The following BAZ1A variants were observed in gnomAD, a reference collection of about 807,000 sequenced individuals.
BAZ1A encodes the protein bromodomain adjacent to zinc finger domain 1A.
A neutral mutation model predicts 185.2 loss-of-function variants in BAZ1A; 50 were observed. The observed-to-expected ratio is 0.27, with a 90% CI of 0.22 to 0.34. BAZ1A has a LOEUF of 0.34. BAZ1A is among the 10% of genes least tolerant of loss of function. The probability of loss-of-function intolerance (pLI) is 1.00; values close to 1 mark genes in which losing one functional copy is unlikely to be tolerated. For missense variants in BAZ1A, 1,356 were observed against 1,839.9 expected, an observed-to-expected ratio of 0.74 and a Z score of 4.81; for synonymous variants, 571 against 615.6, an observed-to-expected ratio of 0.93 and a Z score of 1.07.
At chr14:34,858,535 G>A (rs572454529) in intron 3 of BAZ1A, among the ~76,000 whole-genome samples, 104 of 152,090 alleles carry the variant, frequency 6.8e-4, no homozygotes, top group African/African-American at 2.3e-3. Flanking sequence ...GGCTGGTCTC[G>A]AACTCCTGAC....
At chr14:34,845,979 T>C (rs914726737) in intron 3 of BAZ1A, among the ~76,000 whole-genome samples, 1 of 152,080 alleles carries the variant, frequency 6.6e-6, no homozygotes, top group African/African-American at 2.4e-5. Context: ...GAGCCTCTAA[T>C]TCCTCAGATC....
Position 34,783,925 on chromosome 14 carries a change from C to A in BAZ1A, c.1834G>T (p.Glu612Ter). 1 of 1,583,276 alleles carries A rather than the reference C, an allele frequency of 6.3e-7. No homozygotes were observed. Among genetic ancestry groups the A allele is most frequent in the South Asian group, 1.2e-5 (1 of 85,584 alleles). ...STSVYDLTPG[E>*]KMKILHALCG... ...AGAGCATGGAGTATCTTCATTTTTT[C>A]TCCTGTCAAAAATTGGTAAATACTT... Residue 612 changes from glutamate to a stop codon, truncating the protein, a stop_gained and splice_region_variant, in exon 15 of 27, where the codon GAA becomes TAA. Coordinates refer to ENST00000360310, the MANE Select transcript of BAZ1A (RefSeq NM_013448.3). LOFTEE classifies it high-confidence loss of function.
At chr14:34,793,190 T>A (rs1594846339) in intron 11 of BAZ1A, among the ~76,000 whole-genome samples, 1 of 152,176 alleles carries the variant, frequency 6.6e-6, no homozygotes, top group Non-Finnish European at 1.5e-5. Flanking sequence ...AATTTAAATT[T>A]AAGGCACAAA....
chr14:34,824,408 C>CAAAAAAAA, intron 4 of BAZ1A, among the ~76,000 whole-genome samples: 8 of 65,782 alleles, frequency 1.2e-4, no homozygotes, highest in African/African-American at 3.3e-4. Flanking sequence ...AGCAGCAACT[C>CAAAAAAAA]AAAAAAAAAA....
chr14:34,771,423 T>C lies in BAZ1A; in HGVS notation c.3301+88A>G, dbSNP rs112307649. 6.2e-4 allele frequency: 772 copies of C among 1,239,012 alleles called. 4 individuals are homozygous for C. In the African/African-American group the frequency reaches 0.011, roughly 17 times the overall value. The allele number at this position is 1,239,012 out of a possible 1,614,324, so 76.8% of individuals were successfully genotyped here. On this transcript the variant is annotated intron_variant, in intron 21 of 26. Transcript: ENST00000360310. ...GTTTTTAAGATTATCAATTTCATTA[T>C]GTCAGCCAATAAAGTTCTATTAGTT... is the stretch of plus-strand genomic sequence containing the variant.
At chr14:34,792,033 T>G (rs1880879258) in intron 12 of BAZ1A, among the ~76,000 whole-genome samples, 1 of 152,200 alleles carries the variant, frequency 6.6e-6, no homozygotes, top group South Asian at 2.1e-4. Context: ...GTAAAAACTG[T>G]CAGATCTAAA....
rs541104722 is a variant in BAZ1A, at chr14:34,862,329, AAAAAAC to A, written c.114-13_114-8del. On this transcript the variant is annotated splice_polypyrimidine_tract_variant and splice_region_variant and intron_variant, in intron 2 of 26. Coordinates refer to ENST00000360310, the MANE Select transcript of BAZ1A (RefSeq NM_013448.3). ...GGTTCGTTCAAAAAAGTCACTGATT[AAAAAAC>A]AAAAACAAAAACAAAAGCCCATTAC... The A allele has an allele frequency of 4.0e-4, 631 of 1,583,932 alleles. 3 individuals are homozygous for A. The African/African-American group carries it at 7.7e-3, about 19-fold the overall frequency.
chr14:34,817,093 C>T (rs938601019), intron 4 of BAZ1A, among the ~76,000 whole-genome samples: 7 of 152,066 alleles, frequency 4.6e-5, no homozygotes, highest in Admixed American at 6.6e-5. Flanking sequence ...AAACCCTAAT[C>T]CTCTTTACCT....
chr14:34,832,469 C>G (rs1250054512), intron 3 of BAZ1A, among the ~76,000 whole-genome samples: 5 of 146,666 alleles, frequency 3.4e-5, no homozygotes, highest in Non-Finnish European at 7.5e-5. Flanking sequence ...AAAAAAACCC[C>G]AAACCACTCA....
At chr14:34,873,883 G>A (rs1486482740) in intron 2 of BAZ1A, among the ~76,000 whole-genome samples, 1 of 152,142 alleles carries the variant, frequency 6.6e-6, no homozygotes, top group African/African-American at 2.4e-5. Flanking sequence ...CTCGCGTCCC[G>A]CGCCCTCCAC....
chr14:34,805,791 G>A (rs920643393), intron 6 of BAZ1A, among the ~76,000 whole-genome samples: 1 of 151,820 alleles, frequency 6.6e-6, no homozygotes, highest in East Asian at 1.9e-4. Context: ...TTCCTACTGG[G>A]GTGCTTATGT....
rs541730958 is a variant in BAZ1A, at chr14:34,851,827, G to A, written c.392+10217C>T. Reference sequence around the variant, plus strand: ...ATGCCTTAAAATCTGTTTGCATGGCGTTCTTAGAAGACCACATAGGCCGGG... The same window carrying A: ...ATGCCTTAAAATCTGTTTGCATGGCATTCTTAGAAGACCACATAGGCCGGG... On this transcript the variant is annotated intron_variant, in intron 3 of 26. Coordinates refer to ENST00000360310, the MANE Select transcript of BAZ1A (RefSeq NM_013448.3). Among the ~76,000 whole-genome samples, 35 of 152,218 alleles carry A rather than the reference G, an allele frequency of 2.3e-4. No individual in the cohort carries two copies. The South Asian group carries it at 3.3e-3, about 14-fold the overall frequency.
intron 24 of BAZ1A, among the ~76,000 whole-genome samples, chr14:34,760,033 C>A (rs922260497): frequency 6.6e-6 from 1 of 151,988 alleles, no homozygotes; most frequent in Non-Finnish European, 1.5e-5. Context: ...TCCTCACAGA[C>A]CTAAGAAAGG....
chr14:34,785,221 AT>A (rs1267363872), intron 14 of BAZ1A, among the ~76,000 whole-genome samples: 1 of 152,210 alleles, frequency 6.6e-6, no homozygotes, highest in Non-Finnish European at 1.5e-5. Flanking sequence ...AATCACATGA[AT>A]TAAAAAAAGA....
At chr14:34,860,120 C>T (rs567603757) in intron 3 of BAZ1A, among the ~76,000 whole-genome samples, 3 of 152,208 alleles carry the variant, frequency 2.0e-5, no homozygotes, top group African/African-American at 7.2e-5. Context: ...ACAAGAGTTC[C>T]ATAGTTTTTT....
chr14:34,759,474 C>T (rs558019327), intron 24 of BAZ1A, among the ~76,000 whole-genome samples: 1 of 152,226 alleles, frequency 6.6e-6, no homozygotes, highest in Non-Finnish European at 1.5e-5. Flanking sequence ...GCTGGGATTA[C>T]AGGCGTGAGC....
intron 6 of BAZ1A, among the ~76,000 whole-genome samples, chr14:34,805,238 T>C (rs1310277389): frequency 1.3e-5 from 2 of 152,260 alleles, no homozygotes; most frequent in Admixed American, 6.5e-5. Flanking sequence ...CTCAGGTATG[T>C]CTTTATAGCA....
intron 3 of BAZ1A, among the ~76,000 whole-genome samples, chr14:34,831,960 T>C (rs1472229915): frequency 1.3e-5 from 2 of 151,864 alleles, no homozygotes; most frequent in African/African-American, 4.8e-5. Context: ...TTTGGCAGGC[T>C]GAGGAAGGGA....
chr14:34,800,888 A>T (rs990431724), intron 8 of BAZ1A, among the ~76,000 whole-genome samples: 1 of 152,228 alleles, frequency 6.6e-6, no homozygotes, highest in Non-Finnish European at 1.5e-5. Context: ...GGAATATGCA[A>T]GACCATGAAA....
Sources: allele counts gnomAD v4.1 joint callset (sites outside exome capture counted in the v4.1 genomes callset), GRCh38; gene constraint gnomAD v4.1.1; transcripts MANE v1.5; gene names NCBI Gene and HGNC (gene_info 2026-07-23, HGNC 2026-07-21).